COL4A4: variants seen among roughly 807,000 people sequenced by gnomAD.
The protein encoded by COL4A4 is collagen alpha-4(IV) chain.
A neutral mutation model predicts 192.9 loss-of-function variants in COL4A4; 105 were observed. The ratio of observed to expected loss-of-function variants is 0.54; its 90% CI spans 0.46 to 0.64. The LOEUF (loss-of-function observed/expected upper bound fraction) is 0.64, where lower values mean the gene tolerates loss of function less well. COL4A4 is among the 30% of genes least tolerant of loss of function. The pLI, the probability that COL4A4 is intolerant of heterozygous loss-of-function variation, is 0.00. For synonymous variants in COL4A4, 762 were observed against 769.9 expected (o/e 0.99, Z 0.17); for missense variants, 1,967 against 2,169.3 (o/e 0.91, Z 1.85).
intron 2 of COL4A4, among the ~76,000 whole-genome samples, chr2:227,144,809 C>T (rs556067516): frequency 8.5e-5 from 13 of 152,136 alleles, no homozygotes; most frequent in Non-Finnish European, 1.3e-4. Context: ...TGCTGGGGAC[C>T]GTGAGGACCC....
Position 227,164,191 on chromosome 2 carries a change from C to A in COL4A4, c.-286G>T, listed in dbSNP as rs2125603359. 1.3e-5 allele frequency: 2 copies of A among 153,564 alleles called. No individual in the cohort carries two copies. Among genetic ancestry groups the A allele is most frequent in the Admixed American group, 1.3e-4 (2 of 15,322 alleles). 9.5% of individuals were successfully genotyped at this position (153,564 alleles called of 1,614,324 possible). ...GACCGCCGCGGGCGCGGGGAACAAGCGGGGCCTCCCGAGTGCAGACGCCCG... is the reference window on the plus strand; with the variant it reads ...GACCGCCGCGGGCGCGGGGAACAAGAGGGGCCTCCCGAGTGCAGACGCCCG... On this transcript the variant is annotated 5_prime_UTR_variant, in exon 1 of 48. Coordinates refer to ENST00000396625, the MANE Select transcript of COL4A4 (RefSeq NM_000092.5). The surrounding 1 kb of genome is among the most constrained non-coding windows in gnomAD (Gnocchi z 4.8).
At chr2:227,156,633 G>A (rs2064376553) in intron 1 of COL4A4, among the ~76,000 whole-genome samples, 1 of 152,020 alleles carries the variant, frequency 6.6e-6, no homozygotes. Context: ...ATCACAGTCA[G>A]CATAAATTCA....
chr2:227,001,704 T>C (rs1961002969), downstream of COL4A4, among the ~76,000 whole-genome samples: 1 of 152,180 alleles, frequency 6.6e-6, no homozygotes, highest in Non-Finnish European at 1.5e-5. Flanking sequence ...TAAAGCTCAG[T>C]TTCCTTGTCT....
At chr2:227,150,056 C>T (rs1459096815) in intron 1 of COL4A4, among the ~76,000 whole-genome samples, 5 of 152,136 alleles carry the variant, frequency 3.3e-5, no homozygotes, top group East Asian at 1.9e-4. Flanking sequence ...CCAGTACCAT[C>T]GTAGTGCCTG....
chr2:227,083,184 G>C (rs1266547275), intron 22 of COL4A4, among the ~76,000 whole-genome samples: 1 of 152,140 alleles, frequency 6.6e-6, no homozygotes. Context: ...AGCTGAGATC[G>C]TGCCACTGTA....
intron 44 of COL4A4, 150 bp downstream of exon 44, chr2:227,021,898 G>T: frequency 2.7e-6 from 2 of 754,598 alleles, no homozygotes; most frequent in Non-Finnish European, 4.4e-6. Flanking sequence ...GATGTACTTT[G>T]GATCAAGGTA....
At chr2:227,060,889 G>A (rs1976819572) in intron 26 of COL4A4, among the ~76,000 whole-genome samples, 1 of 151,952 alleles carries the variant, frequency 6.6e-6, no homozygotes, top group East Asian at 1.9e-4. Flanking sequence ...CACCACGCCT[G>A]GCTAATTTTT....
In COL4A4 at chr2:227,010,430, C is replaced by A. The variant is rs1459095382; in HGVS notation, c.4405G>T (p.Val1469Phe). 1 of 1,613,836 alleles carries A rather than the reference C, an allele frequency of 6.2e-7. No individual in the cohort carries two copies. The highest frequency in any genetic ancestry group is 1.3e-5 in the African/African-American group (1 of 74,932). Residue 1469 changes from valine to phenylalanine, a missense_variant, in exon 46 of 48, where the codon GTT becomes TTT. Transcript: ENST00000396625. ...TCCTGGTCCGTCTGACTGTGGAGAA[C>A]CAGGAGGAAGCCACCGAGGTATCCA... ...GPGYLGGFLL[V>F]LHSQTDQEPT...
intron 19 of COL4A4, among the ~76,000 whole-genome samples, chr2:227,096,614 T>C (rs990943172): frequency 3.9e-5 from 6 of 152,202 alleles, no homozygotes; most frequent in African/African-American, 1.2e-4. Context: ...TACTATACAC[T>C]AGACTGCAGT....
intron 35 of COL4A4, among the ~76,000 whole-genome samples, 189 bp from the exon 36 acceptor site, chr2:227,043,373 A>G (rs1416813752): frequency 2.0e-5 from 3 of 152,192 alleles, no homozygotes; most frequent in African/African-American, 4.8e-5. Flanking sequence ...GCTTAACACA[A>G]TTCTTCATAT....
downstream of COL4A4, among the ~76,000 whole-genome samples, chr2:226,999,579 A>C (rs1391733640): frequency 6.6e-6 from 1 of 152,212 alleles, no homozygotes; most frequent in Non-Finnish European, 1.5e-5. Context: ...AATGATCTTA[A>C]CATCTCGATC....
chr2:227,013,230 T>C (rs2149774741), intron 44 of COL4A4, among the ~76,000 whole-genome samples: 1 of 152,186 alleles, frequency 6.6e-6, no homozygotes, highest in East Asian at 1.9e-4. Flanking sequence ...TTACTAGCCT[T>C]CTCCAGGTTT....
intron 25 of COL4A4, among the ~76,000 whole-genome samples, chr2:227,072,116 G>A (rs1006018309): frequency 5.9e-5 from 9 of 151,754 alleles, no homozygotes; most frequent in Admixed American, 2.0e-4. Context: ...TTAAAAAGCC[G>A]TTTCCTTGAA....
chr2:227,059,616 AC>A lies in COL4A4; in HGVS notation c.2171del (p.Arg724LeufsTer29), dbSNP rs1576207007. ...TAEIPGPPGF[R>X]GDMGDPGFGG... ...CAAAACCCGGATCTCCCATGTCACC[AC>A]GAAAACCTATTTAACAACAAAAAAA... On this transcript the variant is annotated frameshift_variant, in exon 28 of 48. Coordinates refer to ENST00000396625, the MANE Select transcript of COL4A4 (RefSeq NM_000092.5). LOFTEE classifies it high-confidence loss of function. 6.2e-7 allele frequency: 1 copy of A among 1,613,532 alleles called. No homozygotes were observed. Among genetic ancestry groups the A allele is most frequent in the Admixed American group, 1.7e-5 (1 of 60,006 alleles).
At chr2:227,141,356 A>T (rs1271630207) in intron 3 of COL4A4, among the ~76,000 whole-genome samples, 1 of 152,234 alleles carries the variant, frequency 6.6e-6, no homozygotes, top group Non-Finnish European at 1.5e-5. Context: ...GGAAAACATA[A>T]AACAATAAAA....
chr2:226,992,201 G>A, the COL4A4 span, among the ~76,000 whole-genome samples: 1 of 152,240 alleles, frequency 6.6e-6, no homozygotes, highest in Non-Finnish European at 1.5e-5. Context: ...GTGTACCTGA[G>A]ACTGAGTGGA....
chr2:227,060,316 TTTAAGTCTATG>T, intron 26 of COL4A4, 73 bp from the exon 27 acceptor site: 1 of 1,058,544 alleles, frequency 9.4e-7, no homozygotes, highest in South Asian at 1.3e-5. Flanking sequence ...GATGATTTTC[TTTAAGTCTATG>T]TTAAGTCCTT....
At chr2:226,989,889 A>G in the COL4A4 span, among the ~76,000 whole-genome samples, 1 of 152,198 alleles carries the variant, frequency 6.6e-6, no homozygotes, top group African/African-American at 2.4e-5. Context: ...AGAGATCTCC[A>G]TTTCAAGGCT....
chr2:226,983,796 A>G, the COL4A4 span, among the ~76,000 whole-genome samples: 2 of 152,198 alleles, frequency 1.3e-5, no homozygotes, highest in East Asian at 3.9e-4. Context: ...CTTGGTTTGA[A>G]GGACTGGAAA....
Sources: gnomAD v4.1 joint callset for allele counts (sites outside exome capture counted in the v4.1 genomes callset) on GRCh38, gnomAD v4.1.1 for gene constraint, Gnocchi (gnomAD v3.1) non-coding constraint, MANE v1.5 for transcripts, NCBI Gene and HGNC (gene_info 2026-07-23, HGNC 2026-07-21) for gene names.